BCL7B: variants seen among roughly 807,000 people sequenced by gnomAD.
BCL7B encodes the protein B-cell CLL/lymphoma 7 protein family member B.
A neutral mutation model predicts 26.5 loss-of-function variants in BCL7B; 11 were observed. The ratio of observed to expected loss-of-function variants is 0.42; its 90% CI spans 0.26 to 0.69. BCL7B has a LOEUF of 0.69. Among genes scored for constraint, BCL7B ranks in the 30% least tolerant of loss-of-function variants. The pLI, the probability that BCL7B is intolerant of heterozygous loss-of-function variation, is 0.28. For synonymous variants in BCL7B, 111 were observed against 107.9 expected (o/e 1.03, Z -0.18); for missense variants, 215 against 264.4 (o/e 0.81, Z 1.30).
At chr7:73,543,272 G>A (rs1173505290) in intron 3 of BCL7B, among the ~76,000 whole-genome samples, 6 of 151,916 alleles carry the variant, frequency 3.9e-5, no homozygotes, top group East Asian at 1.9e-4. Context: ...CACCTCCTGG[G>A]TTTAAGCGAT....
chr7:73,537,617 G>T (rs570006393), intron 5 of BCL7B, among the ~76,000 whole-genome samples: 1 of 152,158 alleles, frequency 6.6e-6, no homozygotes, highest in Admixed American at 6.6e-5. Context: ...GCCGGGCACA[G>T]TGGCTCACAC....
At chr7:73,555,978 G>A (rs888762799) in intron 1 of BCL7B, among the ~76,000 whole-genome samples, 13 of 152,184 alleles carry the variant, frequency 8.5e-5, no homozygotes, top group South Asian at 4.1e-4. Context: ...AGCAGAAGCA[G>A]AGAGTTTACA....
chr7:73,553,134 G>C (rs1342680721), intron 1 of BCL7B, among the ~76,000 whole-genome samples: 1 of 147,862 alleles, frequency 6.8e-6, no homozygotes, highest in Non-Finnish European at 1.5e-5. Flanking sequence ...GGTGGGGGTG[G>C]GGGGTCTCTC....
chr7:73,541,465 CTTTTTT>C (rs781916545), intron 3 of BCL7B, among the ~76,000 whole-genome samples: 1 of 136,546 alleles, frequency 7.3e-6, no homozygotes, highest in African/African-American at 2.7e-5. Context: ...ATACCCAGTA[CTTTTTT>C]TTTTTTTTTT....
At chr7:73,554,417 C>A (rs1307194807) in intron 1 of BCL7B, among the ~76,000 whole-genome samples, 1 of 151,984 alleles carries the variant, frequency 6.6e-6, no homozygotes, top group Non-Finnish European at 1.5e-5. Context: ...GAGCCAACTT[C>A]TCAAAGAGTC....
At chr7:73,546,902 C>G (rs782479553) in intron 2 of BCL7B, among the ~76,000 whole-genome samples, 35 of 149,362 alleles carry the variant, frequency 2.3e-4, no homozygotes, top group Non-Finnish European at 4.2e-4. Context: ...TGGTGGCTCA[C>G]GCCTGTAATC....
intron 4 of BCL7B, among the ~76,000 whole-genome samples, chr7:73,538,437 C>G (rs782604621): frequency 6.6e-6 from 1 of 152,094 alleles, no homozygotes; most frequent in Non-Finnish European, 1.5e-5. Context: ...GAAACAAGTT[C>G]CATTTTGTAG....
intron 2 of BCL7B, among the ~76,000 whole-genome samples, chr7:73,547,384 G>A (rs1450149570): frequency 5.3e-5 from 8 of 152,136 alleles, no homozygotes; most frequent in African/African-American, 1.4e-4. Flanking sequence ...TATTTCTTGA[G>A]CTCAGGAATT....
At chr7:73,556,882 T>C (rs1007621807) in intron 1 of BCL7B, among the ~76,000 whole-genome samples, 9 of 152,288 alleles carry the variant, frequency 5.9e-5, no homozygotes, top group Admixed American at 4.6e-4. Context: ...GGCTGGTACA[T>C]AGTTTGCAAA....
chr7:73,543,910 A>G, intron 2 of BCL7B: 1 of 378,838 alleles, frequency 2.6e-6, no homozygotes, highest in South Asian at 2.6e-5. Context: ...AGAACATCCC[A>G]TAGTATCCCT....
chr7:73,556,200 T>G (rs1207187832), intron 1 of BCL7B, among the ~76,000 whole-genome samples: 1 of 152,082 alleles, frequency 6.6e-6, no homozygotes, highest in Admixed American at 6.6e-5. Flanking sequence ...CCCTCAGACA[T>G]AAAAAAGAGA....
chr7:73,537,566 C>T (rs559653851), intron 5 of BCL7B, among the ~76,000 whole-genome samples, 176 bp from the exon 6 acceptor site: 1 of 152,274 alleles, frequency 6.6e-6, no homozygotes, highest in East Asian at 1.9e-4. Flanking sequence ...CCCACATCCA[C>T]AGTCTTTCCT....
At chr7:73,556,425 C>T (rs1792362074) in intron 1 of BCL7B, among the ~76,000 whole-genome samples, 1 of 152,120 alleles carries the variant, frequency 6.6e-6, no homozygotes, top group Non-Finnish European at 1.5e-5. Context: ...ATCCGCCCAC[C>T]TCAGCCTCCC....
In BCL7B at chr7:73,552,247, A is replaced by C. The variant is rs199728374; in HGVS notation, c.93-5T>G. On this transcript the variant is annotated splice_region_variant and splice_polypyrimidine_tract_variant and intron_variant, in intron 1 of 5. Coordinates refer to ENST00000223368, the MANE Select transcript of BCL7B (RefSeq NM_001707.4). ...ACAGTCACCCACTTCTTCTCCCTAA[A>C]AGAAAGACACTTCTTAGAACGGATA... 1.8e-4 allele frequency: 285 copies of C among 1,606,318 alleles called. No homozygotes were observed. In the African/African-American group the frequency reaches 3.6e-3, roughly 20 times the overall value.
intron 3 of BCL7B, among the ~76,000 whole-genome samples, chr7:73,543,133 G>A (rs1264414644): frequency 4.0e-5 from 6 of 151,584 alleles, no homozygotes; most frequent in South Asian, 4.2e-4. Flanking sequence ...CAAGTGCCTC[G>A]CAAAATACCA....
intron 2 of BCL7B, among the ~76,000 whole-genome samples, chr7:73,550,845 G>A (rs1554584035): frequency 6.6e-6 from 1 of 151,788 alleles, no homozygotes; most frequent in Non-Finnish European, 1.5e-5. Context: ...TTTTAGTAGA[G>A]ACGGGGTTTC....
At chr7:73,548,118 A>C (rs1388890860) in intron 2 of BCL7B, among the ~76,000 whole-genome samples, 2 of 151,988 alleles carry the variant, frequency 1.3e-5, no homozygotes, top group African/African-American at 4.8e-5. Context: ...TCTCAAAAAA[A>C]AAAATGTAGG....
intron 1 of BCL7B, chr7:73,557,182 G>C: frequency 9.7e-7 from 1 of 1,027,838 alleles, no homozygotes; most frequent in South Asian, 4.6e-5. Flanking sequence ...CCCCGGGCTG[G>C]GCCGGGCGCG....
Position 73,557,562 on chromosome 7 carries a change from A to G in BCL7B, c.17T>C (p.Val6Ala). Residue 6 changes from valine to alanine, a missense_variant, in exon 1 of 6, where the codon GTC (valine) becomes GCC (alanine). Transcript: ENST00000223368. MSGRS[V>A]RAETRSRAKD... ...GGCCCGGCTGCGGGTCTCCGCCCGGACCGACCGGCCCGACATGGCGGCGGC... is the reference window on the plus strand; with the variant it reads ...GGCCCGGCTGCGGGTCTCCGCCCGGGCCGACCGGCCCGACATGGCGGCGGC... The G allele has an allele frequency of 1.5e-6, 2 of 1,374,078 alleles. No homozygotes were observed. The highest frequency in any genetic ancestry group is 1.9e-6 in the Non-Finnish European group (2 of 1,050,610). The allele number at this position is 1,374,078 out of a possible 1,614,324, so 85.1% of individuals were successfully genotyped here.
Sources: allele counts gnomAD v4.1 joint callset (sites outside exome capture counted in the v4.1 genomes callset), GRCh38; gene constraint gnomAD v4.1.1; transcripts MANE v1.5; gene names NCBI Gene and HGNC (gene_info 2026-07-23, HGNC 2026-07-21).